OPTC: variants seen among roughly 807,000 people sequenced by gnomAD.
OPTC encodes opticin, also known as oculoglycan.
Under a neutral mutation model 25.4 loss-of-function variants are expected in OPTC, and 22 were observed. The observed-to-expected ratio is 0.87, with a 90% CI of 0.62 to 1.24. OPTC has a LOEUF of 1.24. OPTC is among the 50% of genes most tolerant of loss of function. The pLI, the probability that OPTC is intolerant of heterozygous loss-of-function variation, is 0.00. For missense variants in OPTC, 417 were observed against 425.2 expected (o/e 0.98, Z 0.17); for synonymous variants, 169 against 179.3 (o/e 0.94, Z 0.46).
chr1:203,497,181 C>T, intron 3 of OPTC, 66 bp downstream of exon 3: 4 of 1,578,432 alleles, frequency 2.5e-6, no homozygotes, highest in Admixed American at 1.7e-5. Context: ...GACCCAGCAC[C>T]AGGGGGTACC....
intron 2 of OPTC, among the ~76,000 whole-genome samples, chr1:203,496,729 C>A (rs1007548253): frequency 1.3e-5 from 2 of 152,114 alleles, no homozygotes; most frequent in Non-Finnish European, 2.9e-5. Flanking sequence ...CCTTGACCAC[C>A]TGCTGGCTCT....
At chr1:203,498,492 G>T (rs1661313800) in intron 3 of OPTC, among the ~76,000 whole-genome samples, 189 bp from the exon 4 acceptor site, 1 of 152,178 alleles carries the variant, frequency 6.6e-6, no homozygotes. Context: ...TGCCTCTCTG[G>T]GGTAGAGGAC....
chr1:203,494,927 T>C (rs1661254179), intron 1 of OPTC, among the ~76,000 whole-genome samples: 1 of 152,170 alleles, frequency 6.6e-6, no homozygotes, highest in Non-Finnish European at 1.5e-5. Context: ...TATACACAGG[T>C]ATCTAAGGAA....
chr1:203,502,992 C>T lies in OPTC; in HGVS notation c.811C>T (p.Arg271Cys), dbSNP rs369547783. The T allele has an allele frequency of 3.7e-5, 59 of 1,613,436 alleles. 1 individual carries two copies. In the East Asian group the frequency reaches 6.5e-4, roughly 18 times the overall value. The change falls in exon 6 of 8, where the codon CGC becomes TGC. Residue 271 changes from arginine (R) to cysteine (C), a missense_variant. Physicochemically the swap from Arg to Cys is radical, Grantham distance 180. Transcript: ENST00000367222. ...SIPGPLPLSL[R>C]SVHLQNNLIE... ...CCCGGGGCCTTTGCCCCTGAGCCTG[C>T]GCTCTGTACACCTGCAGGTAAGGAG...
At chr1:203,505,487 G>A (rs1383872787) in intron 7 of OPTC, among the ~76,000 whole-genome samples, 1 of 152,194 alleles carries the variant, frequency 6.6e-6, no homozygotes, top group Admixed American at 6.5e-5. Flanking sequence ...GGTGTTTCTT[G>A]TGGGCCACGT....
At chr1:203,506,461 A>T (rs1436814679) in intron 7 of OPTC, among the ~76,000 whole-genome samples, 3 of 143,744 alleles carry the variant, frequency 2.1e-5, no homozygotes, top group African/African-American at 8.0e-5. Flanking sequence ...GAGGAATCCA[A>T]TTTTTTCAAA....
chr1:203,503,775 T>C, intron 7 of OPTC, 30 bp downstream of exon 7: 1 of 1,531,898 alleles, frequency 6.5e-7, no homozygotes, highest in Non-Finnish European at 8.8e-7. Context: ...CATGCAGGCA[T>C]GGGCCTCCAG....
intron 5 of OPTC, among the ~76,000 whole-genome samples, chr1:203,501,800 A>G (rs185812698): frequency 1.3e-5 from 2 of 152,262 alleles, no homozygotes; most frequent in East Asian, 3.9e-4. Context: ...ACTGGGAATC[A>G]GAAGCCGGCC....
chr1:203,494,977 G>T (rs1233534520), intron 1 of OPTC, among the ~76,000 whole-genome samples: 3 of 152,188 alleles, frequency 2.0e-5, no homozygotes, highest in East Asian at 3.8e-4. Context: ...CACACACAAA[G>T]AACTCTTTTA....
chr1:203,498,678 C>T lies in OPTC; in HGVS notation c.371-3C>T, dbSNP rs757825972. The T allele has an allele frequency of 1.9e-6, 3 of 1,614,074 alleles. No individual in the cohort carries two copies. Among genetic ancestry groups the T allele is most frequent in the Admixed American group, 1.7e-5 (1 of 60,010 alleles). On this transcript the variant is annotated splice_region_variant and splice_polypyrimidine_tract_variant and intron_variant, in intron 3 of 7. Coordinates refer to ENST00000367222, the MANE Select transcript of OPTC (RefSeq NM_014359.4). ...CCTTTGTTCTGTCTTCCACCTGGGC[C>T]AGGTCTGCCCACCTGCCTGGTCTGC...
chr1:203,500,423 A>G (rs990541906), intron 5 of OPTC, among the ~76,000 whole-genome samples: 6 of 129,570 alleles, frequency 4.6e-5, no homozygotes, highest in African/African-American at 8.9e-5. Flanking sequence ...CTCCACTGCC[A>G]CCACCACCAC....
intron 1 of OPTC, 37 bp from the exon 2 acceptor site, chr1:203,495,928 C>A (rs951027440): frequency 1.2e-5 from 11 of 936,700 alleles, no homozygotes; most frequent in Non-Finnish European, 1.9e-5. Context: ...AGAGCCTGTC[C>A]CTCAGATCGC....
chr1:203,496,188 C>T lies in OPTC; in HGVS notation c.183C>T (p.Asp61=), dbSNP rs1465908966. Residue 61 remains aspartate, a synonymous_variant, in exon 2 of 8, where the codon GAC becomes GAT. Transcript: ENST00000367222. ...LNPDNYGEVI[D]LSNYEELTDY... ...CAGACAACTATGGTGAAGTCATTGACCTGAGCAACTATGAGGAGCTCACAG... is the reference window on the plus strand; with the variant it reads ...CAGACAACTATGGTGAAGTCATTGATCTGAGCAACTATGAGGAGCTCACAG... 3 of 1,614,012 alleles carry T rather than the reference C, an allele frequency of 1.9e-6. No homozygotes were observed. Among genetic ancestry groups the T allele is most frequent in the African/African-American group, 2.7e-5 (2 of 74,908 alleles).
At chr1:203,501,156 T>G (rs1452198192) in intron 5 of OPTC, among the ~76,000 whole-genome samples, 1 of 152,148 alleles carries the variant, frequency 6.6e-6, no homozygotes, top group African/African-American at 2.4e-5. Flanking sequence ...TGGAATGCAG[T>G]GTGGCATGAT....
chr1:203,506,479 T>C (rs1342589904), intron 7 of OPTC, among the ~76,000 whole-genome samples: 1 of 99,606 alleles, frequency 1.0e-5, no homozygotes, highest in Non-Finnish European at 1.9e-5. Flanking sequence ...AAAAATCTAA[T>C]TAAAAAAAAA....
intron 5 of OPTC, among the ~76,000 whole-genome samples, chr1:203,502,579 G>T (rs894123927): frequency 1.3e-5 from 2 of 152,180 alleles, no homozygotes; most frequent in African/African-American, 4.8e-5. Flanking sequence ...TTGAGGCAAA[G>T]CGGAAATGTC....
intron 5 of OPTC, among the ~76,000 whole-genome samples, chr1:203,501,448 G>A (rs1661390447): frequency 6.6e-6 from 1 of 152,186 alleles, no homozygotes; most frequent in African/African-American, 2.4e-5. Context: ...TTGATGGGAA[G>A]GGCTAAGTTG....
At chr1:203,504,849 G>A (rs1179463062) in intron 7 of OPTC, among the ~76,000 whole-genome samples, 1 of 152,124 alleles carries the variant, frequency 6.6e-6, no homozygotes, top group African/African-American at 2.4e-5. Context: ...CTACATGTTC[G>A]ACCACCAGAG....
chr1:203,501,968 C>A (rs1661398001), intron 5 of OPTC, among the ~76,000 whole-genome samples: 1 of 152,126 alleles, frequency 6.6e-6, no homozygotes, highest in South Asian at 2.1e-4. Flanking sequence ...CAGGATAAGG[C>A]CTGGGCTTTG....
Sources: allele counts gnomAD v4.1 joint callset (sites outside exome capture counted in the v4.1 genomes callset), GRCh38; gene constraint gnomAD v4.1.1; transcripts MANE v1.5; gene names NCBI Gene and HGNC (gene_info 2026-07-23, HGNC 2026-07-21).